CWC27: variants seen among roughly 807,000 people sequenced by gnomAD.
The protein encoded by CWC27 is spliceosome-associated protein CWC27 homolog.
A neutral mutation model predicts 63.6 loss-of-function variants in CWC27; 47 were observed. The ratio of observed to expected loss-of-function variants is 0.74; its 90% CI spans 0.58 to 0.94. CWC27 has a LOEUF of 0.94. CWC27 is among the 40% of genes least tolerant of loss of function. The pLI, the probability that CWC27 is intolerant of heterozygous loss-of-function variation, is 0.00. For missense variants in CWC27, 495 were observed against 554.3 expected, an observed-to-expected ratio of 0.89 and a Z score of 1.07; for synonymous variants, 175 against 179.8, an observed-to-expected ratio of 0.97 and a Z score of 0.22.
rs555505143 is a variant in CWC27 at position 64,808,196 on chromosome 5, A to G, written c.938+3810A>G. On this transcript the variant is annotated intron_variant, in intron 10 of 13. Transcript: ENST00000381070. ...TTTTAATTAGAATCTGCATTCTAAC[A>G]AGATCCCCAGGTGATTTTTGTGTGC... 7.0e-5 allele frequency: 70 copies of G among 1,005,616 alleles called. No individual in the cohort carries two copies. The African/African-American group carries it at 1.2e-3, about 17-fold the overall frequency. The allele number at this position is 1,005,616 out of a possible 1,614,324, so 62.3% of individuals were successfully genotyped here.
intron 10 of CWC27, among the ~76,000 whole-genome samples, chr5:64,868,328 T>C (rs767483306): frequency 9.6e-5 from 6 of 62,776 alleles, no homozygotes; most frequent in Non-Finnish European, 1.6e-4. Context: ...AGCAAAACTT[T>C]CTTAAGTATT....
intron 11 of CWC27, among the ~76,000 whole-genome samples, chr5:64,971,170 A>G (rs574260378): frequency 2.0e-5 from 3 of 152,290 alleles, no homozygotes; most frequent in East Asian, 3.9e-4. Flanking sequence ...TTTGTTTTCT[A>G]ATTTCTAATT....
chr5:64,936,243 A>C (rs1449396129), intron 11 of CWC27, among the ~76,000 whole-genome samples: 1 of 152,182 alleles, frequency 6.6e-6, no homozygotes, highest in Non-Finnish European at 1.5e-5. Context: ...TGTTTGTTGT[A>C]AGTAGCTGTT....
In CWC27 at chr5:65,007,864, G is replaced by A. The variant is rs533259411; in HGVS notation, c.1257-10295G>A. ...AGGATGGTCTCAATCTCCTGACCTC[G>A]TGATCCGCCCGCCTCGGCCTCCCAA... is the stretch of plus-strand genomic sequence containing the variant. On this transcript the variant is annotated intron_variant, in intron 13 of 13. Coordinates refer to ENST00000381070, the MANE Select transcript of CWC27 (RefSeq NM_005869.4). Among the ~76,000 whole-genome samples, 35 of 152,166 alleles carry A rather than the reference G, an allele frequency of 2.3e-4. 1 individual carries two copies. In the South Asian group the frequency reaches 2.5e-3, roughly 11 times the overall value.
chr5:64,928,451 C>T (rs892526165), intron 11 of CWC27, among the ~76,000 whole-genome samples: 10 of 152,124 alleles, frequency 6.6e-5, no homozygotes, highest in Non-Finnish European at 1.5e-4. Flanking sequence ...CTAAAGACTT[C>T]AAATAAACTT....
chr5:64,946,448 C>A (rs1423614246), intron 11 of CWC27, among the ~76,000 whole-genome samples: 1 of 152,080 alleles, frequency 6.6e-6, no homozygotes, highest in Non-Finnish European at 1.5e-5. Flanking sequence ...TGGTAGATAC[C>A]AGGGACATCA....
intron 13 of CWC27, among the ~76,000 whole-genome samples, chr5:65,016,668 C>T (rs1750053859): frequency 6.6e-6 from 1 of 152,088 alleles, no homozygotes; most frequent in Non-Finnish European, 1.5e-5. Flanking sequence ...AGCTACTGAA[C>T]CCTTAGTAAT....
In CWC27 at chr5:64,903,140, G is replaced by A. The variant is rs142534598; in HGVS notation, c.1042+17594G>A. On this transcript the variant is annotated intron_variant, in intron 11 of 13. Transcript: ENST00000381070. ...GGCAATTCCTCAAGGATCTAGAACC[G>A]GAAATACCATTTGACCCAGCAATCC... 2.4e-3 allele frequency among the ~76,000 whole-genome samples: 360 copies of A among 152,150 alleles called. 1 individual carries two copies. The highest frequency in any genetic ancestry group is 8.1e-3 in the African/African-American group (337 of 41,512).
At position 64,769,177 on chromosome 5, in the gene CWC27, A is replaced by T. The variant is rs770263200; in HGVS notation, c.31A>T (p.Thr11Ser). MSNIYIQEPP[T>S]NGKVLLKTTA... is the part of the protein sequence containing the mutation. Reference sequence around the variant, plus strand: ...CAACATCTACATCCAGGAGCCTCCCACGAATGGGAAGGTGAGAGCCTCATC... The same window carrying T: ...CAACATCTACATCCAGGAGCCTCCCTCGAATGGGAAGGTGAGAGCCTCATC... The change falls in exon 1 of 14, where the codon ACG (threonine) becomes TCG (serine). Residue 11 changes from threonine (T) to serine (S), a missense_variant. Physicochemically the swap from Thr to Ser is moderately conservative, Grantham distance 58. Around this residue, in one of 3 missense-constraint regions of CWC27, gnomAD observed 463 missense variants for 498.1 expected, o/e 0.93. Coordinates refer to ENST00000381070, the MANE Select transcript of CWC27 (RefSeq NM_005869.4). The T allele has an allele frequency of 6.2e-7, 1 of 1,614,074 alleles. No individual in the cohort carries two copies. The highest frequency in any genetic ancestry group is 8.5e-7 in the Non-Finnish European group (1 of 1,179,986).
chr5:64,795,024 C>T (rs1744217278), intron 7 of CWC27, among the ~76,000 whole-genome samples: 1 of 152,152 alleles, frequency 6.6e-6, no homozygotes, highest in African/African-American at 2.4e-5. Context: ...ATTTTTACTT[C>T]AAATCCAGAG....
At chr5:64,846,993 C>CAA (rs35090437) in intron 10 of CWC27, among the ~76,000 whole-genome samples, 1,362 of 85,848 alleles carry the variant, frequency 0.016, 42 homozygotes, top group African/African-American at 0.047. Context: ...GACTCCATCT[C>CAA]AAAAAAAAAA....
chr5:64,852,457 A>G (rs1181167297), intron 10 of CWC27, among the ~76,000 whole-genome samples: 2 of 151,202 alleles, frequency 1.3e-5, no homozygotes, highest in African/African-American at 4.9e-5. Context: ...TTTCAGAGTC[A>G]GATGCTTAAA....
chr5:64,811,424 A>G (rs376769656), intron 10 of CWC27, among the ~76,000 whole-genome samples: 26 of 152,166 alleles, frequency 1.7e-4, no homozygotes, highest in Non-Finnish European at 2.6e-4. Context: ...TTATTGTGCA[A>G]TTTCTATCAT....
At chr5:64,819,147 CACTTG>C (rs1220240507) in intron 10 of CWC27, among the ~76,000 whole-genome samples, 1 of 152,120 alleles carries the variant, frequency 6.6e-6, no homozygotes, top group Admixed American at 6.6e-5. Flanking sequence ...AGACAATGGT[CACTTG>C]ACTTTAAGGA....
At chr5:64,950,314 T>G (rs927227710) in intron 11 of CWC27, among the ~76,000 whole-genome samples, 1 of 150,022 alleles carries the variant, frequency 6.7e-6, no homozygotes, top group Non-Finnish European at 1.5e-5. Flanking sequence ...ATAAGTGTTT[T>G]TTTTCCAATC....
intron 10 of CWC27, among the ~76,000 whole-genome samples, chr5:64,822,473 G>A (rs1385605049): frequency 2.6e-5 from 4 of 152,206 alleles, no homozygotes; most frequent in East Asian, 1.9e-4. Flanking sequence ...TGAAGAAGGG[G>A]TAGAGTTTGA....
intron 11 of CWC27, among the ~76,000 whole-genome samples, chr5:64,962,868 T>C (rs1460791388): frequency 6.6e-6 from 1 of 152,122 alleles, no homozygotes; most frequent in Non-Finnish European, 1.5e-5. Context: ...CATAAATAAA[T>C]GACCACCCTA....
chr5:64,774,858 A>G (rs1177865483), intron 2 of CWC27, 71 bp downstream of exon 2: 8 of 858,294 alleles, frequency 9.3e-6, no homozygotes, highest in Non-Finnish European at 1.5e-5. Context: ...CTGCTTCACA[A>G]CATTGAAGAC....
intron 11 of CWC27, among the ~76,000 whole-genome samples, chr5:64,892,941 A>G (rs1208375025): frequency 6.6e-6 from 1 of 152,210 alleles, no homozygotes; most frequent in African/African-American, 2.4e-5. Context: ...TCAGCTGGCC[A>G]CTAAAAATTC....
Sources: allele counts gnomAD v4.1 joint callset (sites outside exome capture counted in the v4.1 genomes callset), GRCh38; gene constraint gnomAD v4.1.1; regional missense constraint gnomAD v4.1.1; transcripts MANE v1.5; gene names NCBI Gene and HGNC (gene_info 2026-07-23, HGNC 2026-07-21).